The following SLC5A11 variants were observed in gnomAD, a reference collection of about 807,000 sequenced individuals.
SLC5A11 encodes the protein sodium/myo-inositol cotransporter 2.
SLC5A11 carries 48 observed loss-of-function variants against 69.8 expected under a neutral mutation model. The ratio of observed to expected loss-of-function variants is 0.69; its 90% CI spans 0.55 to 0.87. SLC5A11 has a LOEUF of 0.87. Ranked by LOEUF, SLC5A11 falls within the 40% of genes least tolerant of loss-of-function variation. The pLI is 0.00. For missense variants in SLC5A11, 784 were observed against 866.1 expected (o/e 0.91, Z 1.19); for synonymous variants, 319 against 342.4 (o/e 0.93, Z 0.75).
chr16:24,882,045 G>A (rs1372969244), intron 7 of SLC5A11, among the ~76,000 whole-genome samples: 1 of 152,184 alleles, frequency 6.6e-6, no homozygotes. Flanking sequence ...ATGTGCCTGG[G>A]GCAGGGGAAA....
chr16:24,851,975 C>T (rs1222893091), intron 1 of SLC5A11, among the ~76,000 whole-genome samples: 1 of 149,596 alleles, frequency 6.7e-6, no homozygotes, highest in Admixed American at 6.7e-5. Flanking sequence ...TTGCTTCTCT[C>T]TCTCTCTCTC....
intron 14 of SLC5A11, among the ~76,000 whole-genome samples, chr16:24,909,829 TAAAAAAAAAA>T (rs3050359): frequency 2.9e-5 from 3 of 103,916 alleles, no homozygotes; most frequent in Non-Finnish European, 5.3e-5. Flanking sequence ...AGCCTGTCTT[TAAAAAAAAAA>T]AAAAAAAAAA....
At chr16:24,878,468 T>A (rs274075) in intron 7 of SLC5A11, among the ~76,000 whole-genome samples, 65,416 of 152,068 alleles carry the variant, frequency 0.43, 14,629 homozygotes, top group African/African-American at 0.55. Flanking sequence ...TCCTCTTGGC[T>A]TGATATAACT....
intron 6 of SLC5A11, among the ~76,000 whole-genome samples, chr16:24,876,183 G>A (rs1046416894): frequency 1.3e-5 from 2 of 149,578 alleles, no homozygotes; most frequent in South Asian, 2.1e-4. Context: ...GTGAAAGAGC[G>A]AGACTCTGTG....
At chr16:24,892,442 GT>G (rs1312976509) in intron 9 of SLC5A11, among the ~76,000 whole-genome samples, 1 of 114,444 alleles carries the variant, frequency 8.7e-6, no homozygotes, top group African/African-American at 3.6e-5. Context: ...GTCCTTTTGT[GT>G]TAAAAAAAAA....
chr16:24,877,656 C>G (rs1019730984), intron 7 of SLC5A11, among the ~76,000 whole-genome samples: 9 of 152,066 alleles, frequency 5.9e-5, no homozygotes, highest in African/African-American at 1.9e-4. Flanking sequence ...TCCAGACCAG[C>G]CTGGCCAACA....
intron 9 of SLC5A11, among the ~76,000 whole-genome samples, chr16:24,892,571 A>G (rs2048885990): frequency 6.6e-6 from 1 of 152,100 alleles, no homozygotes; most frequent in Non-Finnish European, 1.5e-5. Context: ...GCGGGTGGGA[A>G]GGATGAATGA....
At chr16:24,879,004 C>T (rs565451819) in intron 7 of SLC5A11, among the ~76,000 whole-genome samples, 1 of 152,278 alleles carries the variant, frequency 6.6e-6, no homozygotes, top group South Asian at 2.1e-4. Flanking sequence ...CACTGCACTC[C>T]AGCCTGGGCA....
chr16:24,849,943 A>G (rs2059227033), intron 1 of SLC5A11, among the ~76,000 whole-genome samples: 1 of 151,712 alleles, frequency 6.6e-6, no homozygotes, highest in Non-Finnish European at 1.5e-5. Flanking sequence ...AAAATTTTTT[A>G]TTTTATTATC....
intron 3 of SLC5A11, among the ~76,000 whole-genome samples, chr16:24,864,417 C>T (rs1213848139): frequency 6.6e-6 from 1 of 152,198 alleles, no homozygotes; most frequent in Non-Finnish European, 1.5e-5. Flanking sequence ...AGAATTCAGA[C>T]TTCATAAACT....
exon 15 of SLC5A11, chr16:24,910,415 CCAG>C (rs140499762): frequency 5.0e-6 from 8 of 1,606,832 alleles, no homozygotes; most frequent in African/African-American, 1.3e-5. Context: ...ATGCCAGAGG[CCAG>C]CAGCAGCAGC....
intron 3 of SLC5A11, among the ~76,000 whole-genome samples, chr16:24,865,054 G>GGA (rs144428488): frequency 1.3e-5 from 2 of 151,940 alleles, no homozygotes; most frequent in Non-Finnish European, 2.9e-5. Flanking sequence ...CCAGAGGAGA[G>GGA]GAGAGAGAGA....
chr16:24,875,746 C>CA lies in SLC5A11; in HGVS notation c.477+16dup. On this transcript the variant is annotated intron_variant, in intron 6 of 15. Coordinates refer to ENST00000347898, the Ensembl canonical transcript of SLC5A11. Reference sequence around the variant, plus strand: ...CCAAGATCTCGGTAAGGCAGGGACACAGCCTGGCCTCACCCATGCAGCATG... The same window carrying CA: ...CCAAGATCTCGGTAAGGCAGGGACACAAGCCTGGCCTCACCCATGCAGCATG... 1 of 1,600,816 alleles carries CA rather than the reference C, an allele frequency of 6.2e-7. No individual in the cohort carries two copies. The highest frequency in any genetic ancestry group is 8.6e-7 in the Non-Finnish European group (1 of 1,169,130).
At chr16:24,881,178 C>T (rs528455229) in intron 7 of SLC5A11, among the ~76,000 whole-genome samples, 2 of 151,610 alleles carry the variant, frequency 1.3e-5, no homozygotes, top group South Asian at 2.1e-4. Context: ...TGCACTCCAG[C>T]CTGGGCAACA....
At chr16:24,883,943 A>G (rs1448226134) in intron 7 of SLC5A11, 108 bp from the exon 9 acceptor site, 19 of 948,590 alleles carry the variant, frequency 2.0e-5, no homozygotes, top group Non-Finnish European at 3.0e-5. Flanking sequence ...ATCAGTCAGC[A>G]CTAAGAAATC....
chr16:24,849,587 A>AT (rs1446103229), intron 1 of SLC5A11, among the ~76,000 whole-genome samples: 7 of 81,864 alleles, frequency 8.6e-5, no homozygotes, highest in South Asian at 4.3e-4. Flanking sequence ...AAAAAAAAAA[A>AT]AAAAAAATAT....
chr16:24,893,346 T>G (rs963653357), intron 9 of SLC5A11, among the ~76,000 whole-genome samples: 17 of 151,516 alleles, frequency 1.1e-4, no homozygotes, highest in Admixed American at 9.2e-4. Flanking sequence ...TGCCTGTAAT[T>G]CCAGCCTGGG....
intron 4 of SLC5A11, among the ~76,000 whole-genome samples, chr16:24,871,490 C>G (rs1007673335): frequency 6.6e-6 from 1 of 152,052 alleles, no homozygotes; most frequent in African/African-American, 2.4e-5. Flanking sequence ...TCAGGTTGGT[C>G]TTAAACTCCT....
chr16:24,849,213 G>A (rs1011511786), intron 1 of SLC5A11, among the ~76,000 whole-genome samples: 7 of 152,242 alleles, frequency 4.6e-5, no homozygotes, highest in Admixed American at 4.6e-4. Flanking sequence ...GAAGAAGCAC[G>A]TGCTTGGGCT....
Sources: gnomAD v4.1 joint callset for allele counts (sites outside exome capture counted in the v4.1 genomes callset) on GRCh38, gnomAD v4.1.1 for gene constraint, MANE v1.5 for transcripts, NCBI Gene and HGNC (gene_info 2026-07-23, HGNC 2026-07-21) for gene names.